The following MAP3K20 variants were observed in gnomAD, a reference collection of about 807,000 sequenced individuals.
MAP3K20 encodes HCCS-4.
MAP3K20 carries 40 observed loss-of-function variants against 85.7 expected under a neutral mutation model. The ratio of observed to expected loss-of-function variants is 0.47; its 90% confidence interval spans 0.36 to 0.61. The LOEUF is 0.61. Ranked by LOEUF, MAP3K20 falls within the 20% of genes least tolerant of loss-of-function variation. MAP3K20 has a pLI of 0.00. For missense variants in MAP3K20, 817 were observed against 961.7 expected, an observed-to-expected ratio of 0.85 and a Z score of 1.99; for synonymous variants, 325 against 327.7, an observed-to-expected ratio of 0.99 and a Z score of 0.09.
At chr2:173,228,904 G>C (rs898120197) in intron 11 of MAP3K20, among the ~76,000 whole-genome samples, 6 of 152,142 alleles carry the variant, frequency 3.9e-5, no homozygotes, top group Non-Finnish European at 7.4e-5. Context: ...ATTCATTTTT[G>C]GGGGGCAAGT....
chr2:173,229,772 G>A lies in MAP3K20; in HGVS notation c.1032+39G>A, dbSNP rs16861404. On this transcript the variant is annotated intron_variant, in intron 12 of 19. Transcript: ENST00000375213. ...ATTCATGCCTTATTTGACTTGAGCA[G>A]GTATTTCATAAATTTTTCCCTAAGT... 0.22 allele frequency: 358,403 copies of A among 1,610,228 alleles called. 41,683 individuals are homozygous for A. The highest frequency in any genetic ancestry group is 0.35 in the African/African-American group (26,280 of 74,856).
intron 8 of MAP3K20, among the ~76,000 whole-genome samples, chr2:173,201,099 A>G (rs113901794): frequency 1.3e-5 from 2 of 152,182 alleles, no homozygotes; most frequent in South Asian, 4.1e-4. Flanking sequence ...TTCACCATTT[A>G]AGATTACTTT....
intron 1 of MAP3K20, among the ~76,000 whole-genome samples, chr2:173,082,794 G>A (rs373691269): frequency 2.6e-5 from 4 of 152,330 alleles, no homozygotes; most frequent in African/African-American, 7.2e-5. Context: ...CCCACGCAGC[G>A]GCCTATGCCG....
intron 16 of MAP3K20, among the ~76,000 whole-genome samples, chr2:173,246,873 G>A (rs2106343815): frequency 6.6e-6 from 1 of 152,292 alleles, no homozygotes; most frequent in East Asian, 1.9e-4. Flanking sequence ...CTACCTATGA[G>A]TGGGTCCTTA....
intron 11 of MAP3K20, chr2:173,227,229 G>C (rs1231671373): frequency 2.5e-5 from 19 of 762,956 alleles, no homozygotes; most frequent in Non-Finnish European, 2.9e-5. Flanking sequence ...GTTGTCACAC[G>C]CATGCAAACA....
intron 15 of MAP3K20, 149 bp downstream of exon 15, chr2:173,238,584 G>GCCCTTT: frequency 1.5e-6 from 1 of 688,984 alleles, no homozygotes; most frequent in Non-Finnish European, 2.4e-6. Context: ...TTGAAGCAAG[G>GCCCTTT]GAAGTGTATA....
chr2:173,114,358 G>A (rs1488953079), intron 2 of MAP3K20, among the ~76,000 whole-genome samples: 1 of 152,152 alleles, frequency 6.6e-6, no homozygotes, highest in Non-Finnish European at 1.5e-5. Flanking sequence ...TGTCTTTTAA[G>A]TGGAGCATTT....
chr2:173,152,022 A>G (rs1212081089), intron 2 of MAP3K20, among the ~76,000 whole-genome samples: 1 of 152,174 alleles, frequency 6.6e-6, no homozygotes, highest in Non-Finnish European at 1.5e-5. Flanking sequence ...ATACCTTTCT[A>G]TAGGCTCTTA....
At chr2:173,222,345 AG>A (rs2106322193) in intron 11 of MAP3K20, 2 of 985,922 alleles carry the variant, frequency 2.0e-6, no homozygotes, top group Non-Finnish European at 2.4e-6. Flanking sequence ...AGCTGCTCAA[AG>A]TAAAGCCTGA....
intron 2 of MAP3K20, chr2:173,160,259 T>C (rs1417331383): frequency 6.6e-6 from 1 of 152,150 alleles, no homozygotes; most frequent in African/African-American, 2.4e-5. Context: ...GAATGGGTCT[T>C]GTTAAGCCCA....
intron 18 of MAP3K20, 97 bp downstream of exon 18, chr2:173,261,234 C>T (rs1431622347): frequency 4.0e-6 from 5 of 1,256,416 alleles, no homozygotes; most frequent in Non-Finnish European, 5.6e-6. Context: ...GGGAGATATA[C>T]CCAGAGCATA....
intron 11 of MAP3K20, 99 bp from the exon 12 acceptor site, chr2:173,229,590 G>C: frequency 2.0e-6 from 3 of 1,522,782 alleles, no homozygotes; most frequent in Non-Finnish European, 2.7e-6. Context: ...CCAAGCCAGA[G>C]CAGCAGCTGA....
At chr2:173,078,678 A>T (rs1237260632) in intron 1 of MAP3K20, among the ~76,000 whole-genome samples, 1 of 152,186 alleles carries the variant, frequency 6.6e-6, no homozygotes, top group Admixed American at 6.5e-5. Flanking sequence ...CACATTTGAC[A>T]CCCTAACCCC....
chr2:173,128,884 C>A (rs1258252257), intron 2 of MAP3K20, among the ~76,000 whole-genome samples: 1 of 150,660 alleles, frequency 6.6e-6, no homozygotes, highest in African/African-American at 2.4e-5. Context: ...CTTCAAGGAA[C>A]CAAAAACATT....
chr2:173,219,893 C>T (rs1467188263), intron 11 of MAP3K20, among the ~76,000 whole-genome samples: 1 of 151,814 alleles, frequency 6.6e-6, no homozygotes, highest in Non-Finnish European at 1.5e-5. Context: ...ATAGTGAAAC[C>T]CCATCTCTAC....
At chr2:173,133,928 T>G (rs1321257468) in intron 2 of MAP3K20, among the ~76,000 whole-genome samples, 3 of 148,912 alleles carry the variant, frequency 2.0e-5, no homozygotes, top group Non-Finnish European at 4.5e-5. Context: ...GAGGCGGAGC[T>G]TGCAGTGAGC....
chr2:173,205,086 G>A (rs932770520), intron 9 of MAP3K20, among the ~76,000 whole-genome samples: 109 of 142,472 alleles, frequency 7.7e-4, no homozygotes, highest in African/African-American at 2.8e-3. Flanking sequence ...CTGGGTGACA[G>A]AGCGAGACTC....
intron 7 of MAP3K20, among the ~76,000 whole-genome samples, chr2:173,191,591 C>G (rs1275238321): frequency 6.6e-6 from 1 of 152,186 alleles, no homozygotes; most frequent in African/African-American, 2.4e-5. Context: ...ATAGATCTGC[C>G]AAGCGAGTTA....
rs773223317 is a variant in MAP3K20 at position 173,209,729 on chromosome 2, A to C, written c.745A>C (p.Lys249Gln). 1.7e-5 allele frequency: 28 copies of C among 1,603,592 alleles called. No individual in the cohort carries two copies. Residue 249 changes from lysine to glutamine, a missense_variant and splice_region_variant, in exon 10 of 20, where the codon AAA (lysine) becomes CAA (glutamine). This residue lies in a region of MAP3K20 where 200 missense variants were observed against 302.7 expected (regional missense o/e 0.66). Transcript: ENST00000375213. ...TGATTACTTATTTTCTCTTCTTCAG[A>C]AACGGCCATCATTCAAGCAAATCAT... is the stretch of plus-strand genomic sequence containing the variant. The part of the protein sequence containing the change: ...LHQCWEADAK[K>Q]RPSFKQIISI...
Sources: allele counts gnomAD v4.1 joint callset (sites outside exome capture counted in the v4.1 genomes callset), GRCh38; gene constraint gnomAD v4.1.1; regional missense constraint gnomAD v4.1.1; transcripts MANE v1.5; gene names NCBI Gene and HGNC (gene_info 2026-07-23, HGNC 2026-07-21).